Variants in XPO1 observed in about 807,000 individuals in gnomAD.
The protein encoded by XPO1 is exportin 1.
A neutral mutation model predicts 133.3 loss-of-function variants in XPO1; 5 were observed. That is an observed-to-expected ratio of 0.04 (90% confidence interval 0.02 to 0.08). The LOEUF is 0.08. XPO1 is among the 10% of genes least tolerant of loss of function. The pLI is 1.00. For missense variants in XPO1, 506 were observed against 1,267.5 expected, an observed-to-expected ratio of 0.40 and a Z score of 9.12; for synonymous variants, 419 against 408.2, an observed-to-expected ratio of 1.03 and a Z score of -0.32.
chr2:61,527,465 G>A (rs1250249013), intron 2 of XPO1, among the ~76,000 whole-genome samples: 1 of 152,080 alleles, frequency 6.6e-6, no homozygotes, highest in Non-Finnish European at 1.5e-5. Flanking sequence ...TTCAGCCTGG[G>A]TGAAAGAGCA....
intron 16 of XPO1, among the ~76,000 whole-genome samples, chr2:61,491,489 C>T (rs1190172230): frequency 6.6e-6 from 1 of 151,140 alleles, no homozygotes; most frequent in African/African-American, 2.4e-5. Flanking sequence ...CACACACACA[C>T]ACACACACCC....
chr2:61,520,220 G>A (rs12612982), intron 4 of XPO1, among the ~76,000 whole-genome samples: 92,094 of 152,034 alleles, frequency 0.61, 27,998 homozygotes, highest in Middle Eastern at 0.7. Flanking sequence ...GAAATAAAAT[G>A]TTTTAAATTA....
chr2:61,530,741 AC>A (rs1450130553), intron 2 of XPO1, among the ~76,000 whole-genome samples: 1 of 151,500 alleles, frequency 6.6e-6, no homozygotes, highest in Non-Finnish European at 1.5e-5. Flanking sequence ...AAAAAAAAAA[AC>A]CTACCTACAG....
At chr2:61,498,170 C>G (rs1697334762) in intron 9 of XPO1, among the ~76,000 whole-genome samples, 1 of 152,168 alleles carries the variant, frequency 6.6e-6, no homozygotes, top group Non-Finnish European at 1.5e-5. Context: ...GATCTTGGCT[C>G]ACTGCACCTT....
At chr2:61,493,264 G>A (rs768653427) in intron 12 of XPO1, 4 of 417,752 alleles carry the variant, frequency 9.6e-6, no homozygotes, top group South Asian at 6.3e-5. Flanking sequence ...AACACAAAAT[G>A]ACACCCAATC....
At chr2:61,518,170 T>C (rs1698490092) in intron 4 of XPO1, among the ~76,000 whole-genome samples, 1 of 150,800 alleles carries the variant, frequency 6.6e-6, no homozygotes, top group Non-Finnish European at 1.5e-5. Flanking sequence ...AGAGGATCAC[T>C]GGAGCCCAGG....
At chr2:61,501,931 G>T (rs1355737283) in intron 6 of XPO1, 65 bp downstream of exon 6, 2 of 1,364,758 alleles carry the variant, frequency 1.5e-6, no homozygotes, top group Non-Finnish European at 2.0e-6. Context: ...TCCTAAGTAG[G>T]TCGAACATTT....
chr2:61,490,856 T>C, intron 16 of XPO1, 80 bp from the exon 17 acceptor site: 3 of 1,540,520 alleles, frequency 1.9e-6, no homozygotes, highest in Non-Finnish European at 2.6e-6. Context: ...TTCACAAACG[T>C]CTTGAAACTG....
intron 4 of XPO1, among the ~76,000 whole-genome samples, chr2:61,506,417 C>T (rs376134225): frequency 1.3e-5 from 2 of 151,830 alleles, no homozygotes; most frequent in South Asian, 4.1e-4. Context: ...AGCAAGACTC[C>T]GTCTCAAAAA....
At chr2:61,485,092 C>T (rs1696615117) in intron 20 of XPO1, 1 of 152,218 alleles carries the variant, frequency 6.6e-6, no homozygotes, top group African/African-American at 2.4e-5. Context: ...GTTAGGCAGG[C>T]TGGTCTTGAA....
chr2:61,501,721 C>CAAAAAAAAAAAAAAAAAAA (rs34659499), intron 6 of XPO1, among the ~76,000 whole-genome samples: 1 of 111,438 alleles, frequency 9.0e-6, no homozygotes, highest in Admixed American at 1.0e-4. Context: ...AGACTGTCTC[C>CAAAAAAAAAAAAAAAAAAA]AAAAAAAAAA....
intron 16 of XPO1, 125 bp downstream of exon 16, chr2:61,491,910 G>A (rs1697019214): frequency 8.1e-7 from 1 of 1,241,692 alleles, no homozygotes; most frequent in African/African-American, 1.5e-5. Flanking sequence ...AAGGAAAAAA[G>A]AAAGAAAATT....
At chr2:61,509,160 C>T (rs1697966763) in intron 4 of XPO1, among the ~76,000 whole-genome samples, 1 of 151,772 alleles carries the variant, frequency 6.6e-6, no homozygotes, top group East Asian at 1.9e-4. Context: ...CGTCACCACG[C>T]CCAGCTGATT....
intron 2 of XPO1, among the ~76,000 whole-genome samples, chr2:61,527,029 C>T (rs1453320356): frequency 6.6e-6 from 1 of 151,982 alleles, no homozygotes; most frequent in Non-Finnish European, 1.5e-5. Flanking sequence ...TTTAAAGGTG[C>T]AAATATTTTA....
At chr2:61,484,267 A>C in intron 20 of XPO1, 162 bp from the exon 21 acceptor site, 1 of 578,886 alleles carries the variant, frequency 1.7e-6, no homozygotes, top group East Asian at 3.0e-5. Flanking sequence ...AATACAATCC[A>C]CCTCTCACGG....
At chr2:61,493,673 A>G in intron 12 of XPO1, 1 of 472,132 alleles carries the variant, frequency 2.1e-6, no homozygotes, top group Non-Finnish European at 3.7e-6. Flanking sequence ...AATTTGCCTA[A>G]CGAAATCACA....
Position 61,492,252 on chromosome 2 carries a change from T to C in XPO1, c.1724-54A>G. On this transcript the variant is annotated intron_variant, in intron 15 of 24. Coordinates refer to ENST00000401558, the MANE Select transcript of XPO1 (RefSeq NM_003400.4). The surrounding 1 kb of genome is among the most constrained non-coding windows in gnomAD (Gnocchi z 5.6). ...TGTCCTGGACTCCATCATGGGTCTC[T>C]AACAAGACAAAAACATTCATTTATT... 2 of 1,592,322 alleles carry C rather than the reference T, an allele frequency of 1.3e-6. No homozygotes were observed.
chr2:61,523,141 T>C (rs1314369446), intron 3 of XPO1, among the ~76,000 whole-genome samples: 1 of 152,206 alleles, frequency 6.6e-6, no homozygotes, highest in Admixed American at 6.5e-5. Context: ...TATTAAAGTA[T>C]TGTCACAGAT....
intron 2 of XPO1, among the ~76,000 whole-genome samples, 195 bp downstream of exon 2, chr2:61,533,577 A>C (rs1194345609): frequency 6.6e-6 from 1 of 152,194 alleles, no homozygotes; most frequent in East Asian, 1.9e-4. Flanking sequence ...TAATATTCCA[A>C]AACAACCCAC....
Sources: allele counts gnomAD v4.1 joint callset (sites outside exome capture counted in the v4.1 genomes callset), GRCh38; gene constraint gnomAD v4.1.1; non-coding constraint Gnocchi (gnomAD v3.1); transcripts MANE v1.5; gene names NCBI Gene and HGNC (gene_info 2026-07-23, HGNC 2026-07-21).